Variants in MAGI2 observed in about 807,000 individuals in gnomAD.
MAGI2 encodes membrane associated guanylate kinase, WW and PDZ domain containing 2.
MAGI2 carries 35 observed loss-of-function variants against 133.3 expected under a neutral mutation model. The ratio of observed to expected loss-of-function variants is 0.26; its 90% confidence interval spans 0.20 to 0.35. The LOEUF is 0.35. MAGI2 is among the 10% of genes least tolerant of loss of function. The pLI is 1.00. For synonymous variants in MAGI2, 729 were observed against 710.6 expected (o/e 1.03, Z -0.41); for missense variants, 1,636 against 1,863.4 (o/e 0.88, Z 2.25).
chr7:78,393,737 T>C (rs1472952862), intron 6 of MAGI2, among the ~76,000 whole-genome samples: 1 of 152,182 alleles, frequency 6.6e-6, no homozygotes, highest in Non-Finnish European at 1.5e-5. Context: ...TAGCAAGACA[T>C]TGCTTTACTA....
intron 1 of MAGI2, among the ~76,000 whole-genome samples, chr7:79,417,264 A>T (rs570024558): frequency 1.3e-5 from 2 of 152,090 alleles, no homozygotes; most frequent in Non-Finnish European, 2.9e-5. Context: ...GAAGTCTAAT[A>T]CTGATAGAAT....
chr7:78,448,286 A>T (rs917745118), intron 6 of MAGI2, among the ~76,000 whole-genome samples: 1 of 152,060 alleles, frequency 6.6e-6, no homozygotes, highest in East Asian at 1.9e-4. Flanking sequence ...CTTTGAGTAT[A>T]TACCCAGTAG....
At chr7:78,152,299 G>C (rs1176756155) in intron 16 of MAGI2, among the ~76,000 whole-genome samples, 7 of 152,182 alleles carry the variant, frequency 4.6e-5, no homozygotes, top group Non-Finnish European at 1.5e-5. Context: ...TCTGGGACAG[G>C]GTAAATAACT....
At chr7:78,756,060 T>C (rs568711180) in intron 2 of MAGI2, among the ~76,000 whole-genome samples, 172 of 152,308 alleles carry the variant, frequency 1.1e-3, no homozygotes, top group African/African-American at 4.0e-3. Context: ...AGGAAGAATG[T>C]AACTTCGAGG....
chr7:78,832,529 C>T (rs867449635), intron 2 of MAGI2, among the ~76,000 whole-genome samples: 1 of 152,110 alleles, frequency 6.6e-6, no homozygotes, highest in African/African-American at 2.4e-5. Context: ...TACACTATGC[C>T]ATTCTTCACG....
At chr7:78,976,723 A>C (rs530685206) in intron 2 of MAGI2, among the ~76,000 whole-genome samples, 33 of 147,766 alleles carry the variant, frequency 2.2e-4, no homozygotes, top group South Asian at 8.5e-4. Flanking sequence ...CAAAAAAAAA[A>C]CAAAAACAAA....
chr7:78,571,719 GAA>G (rs540176978), intron 3 of MAGI2, among the ~76,000 whole-genome samples: 147 of 151,878 alleles, frequency 9.7e-4, no homozygotes, highest in Non-Finnish European at 1.8e-3. Context: ...ATAGGAGGAA[GAA>G]AAAGAAAAAG....
chr7:78,292,193 C>T (rs1276414378), intron 9 of MAGI2, among the ~76,000 whole-genome samples: 2 of 152,188 alleles, frequency 1.3e-5, no homozygotes, highest in African/African-American at 4.8e-5. Context: ...CCCATTGTCT[C>T]AGCCCAAAAC....
chr7:78,478,103 G>A (rs913406759), intron 6 of MAGI2, among the ~76,000 whole-genome samples: 2 of 151,648 alleles, frequency 1.3e-5, no homozygotes, highest in South Asian at 2.1e-4. Flanking sequence ...GCCCCGGTGT[G>A]TGATGTTCCC....
intron 20 of MAGI2, among the ~76,000 whole-genome samples, chr7:78,089,777 T>G (rs918808857): frequency 3.9e-5 from 6 of 152,174 alleles, no homozygotes; most frequent in Non-Finnish European, 8.8e-5. Flanking sequence ...CCATTCTACA[T>G]TGGCTGTTCC....
chr7:78,383,963 T>C (rs1795153268), intron 6 of MAGI2, among the ~76,000 whole-genome samples: 1 of 152,210 alleles, frequency 6.6e-6, no homozygotes, highest in Admixed American at 6.5e-5. Flanking sequence ...GTATCCATTT[T>C]TATACCAATA....
intron 7 of MAGI2, 104 bp from the exon 8 acceptor site, chr7:78,346,147 G>C (rs1790881557): frequency 7.6e-7 from 1 of 1,314,762 alleles, no homozygotes. Context: ...CACCTTATCT[G>C]ATTACAGTCA....
chr7:79,349,036 T>C (rs1270433513), intron 1 of MAGI2, among the ~76,000 whole-genome samples: 2 of 152,000 alleles, frequency 1.3e-5, no homozygotes, highest in Admixed American at 6.6e-5. Flanking sequence ...AAACTATTTG[T>C]ACCATTATTT....
intron 2 of MAGI2, among the ~76,000 whole-genome samples, chr7:78,859,111 T>C (rs1334071018): frequency 6.6e-6 from 1 of 152,116 alleles, no homozygotes; most frequent in African/African-American, 2.4e-5. Flanking sequence ...CCTCCATCCC[T>C]TTATTTTGAG....
At chr7:79,305,947 T>A (rs1288205337) in intron 1 of MAGI2, among the ~76,000 whole-genome samples, 1 of 150,906 alleles carries the variant, frequency 6.6e-6, no homozygotes, top group African/African-American at 2.4e-5. Context: ...TGGTGAGGCA[T>A]AGGAAAGGCT....
intron 21 of MAGI2, among the ~76,000 whole-genome samples, chr7:78,076,852 CAAAAAAAAAAAAAA>C (rs1242148618): frequency 4.7e-5 from 2 of 42,552 alleles, no homozygotes; most frequent in Middle Eastern, 0.021. Context: ...GACTCCGTCT[CAAAAAAAAAAAAAA>C]AAAAAAAAAA....
intron 2 of MAGI2, among the ~76,000 whole-genome samples, chr7:78,631,077 C>G (rs557574515): frequency 1.3e-5 from 2 of 152,262 alleles, no homozygotes; most frequent in African/African-American, 4.8e-5. Flanking sequence ...TGCATGGAAG[C>G]CACATTGTTT....
At position 79,194,139 on chromosome 7, in the gene MAGI2, A is replaced by T. The variant is rs112585573; in HGVS notation, c.302-186933T>A. Reference sequence around the variant, plus strand: ...TCTTACTGACAAGATAGGCCTCAAAAATGTTGAATATCAAAATGTGGAGAA... The same window carrying T: ...TCTTACTGACAAGATAGGCCTCAAATATGTTGAATATCAAAATGTGGAGAA... On this transcript the variant is annotated intron_variant, in intron 1 of 21. Transcript: ENST00000354212. Among the ~76,000 whole-genome samples, 724 of 152,026 alleles carry T rather than the reference A, an allele frequency of 4.8e-3. 3 individuals carry two copies. The highest frequency in any genetic ancestry group is 8.9e-3 in the Admixed American group (136 of 15,256).
chr7:78,469,655 C>A (rs919305366), intron 6 of MAGI2, among the ~76,000 whole-genome samples: 40 of 152,048 alleles, frequency 2.6e-4, no homozygotes, highest in Non-Finnish European at 1.9e-4. Context: ...AGGCAGACTA[C>A]CTTGAATAGT....
Sources: allele counts gnomAD v4.1 joint callset (sites outside exome capture counted in the v4.1 genomes callset), GRCh38; gene constraint gnomAD v4.1.1; transcripts MANE v1.5; gene names NCBI Gene and HGNC (gene_info 2026-07-23, HGNC 2026-07-21).